Variants in UBE3C observed in about 807,000 individuals in gnomAD.
The protein encoded by UBE3C is ubiquitin-protein ligase E3C.
UBE3C carries 42 observed loss-of-function variants against 129.4 expected under a neutral mutation model. The observed-to-expected ratio is 0.32, with a 90% confidence interval of 0.25 to 0.42. The LOEUF (loss-of-function observed/expected upper bound fraction) is 0.42, where lower values mean the gene tolerates loss of function less well. Ranked by LOEUF, UBE3C falls within the 10% of genes least tolerant of loss-of-function variation. The probability of loss-of-function intolerance (pLI) is 1.00; values close to 1 mark genes in which losing one functional copy is unlikely to be tolerated. For missense variants in UBE3C, 1,049 were observed against 1,319.1 expected (o/e 0.80, Z 3.17); for synonymous variants, 510 against 492.4 (o/e 1.04, Z -0.47).
intron 18 of UBE3C, among the ~76,000 whole-genome samples, chr7:157,241,704 G>A (rs761314279): frequency 5.3e-5 from 8 of 152,182 alleles, no homozygotes; most frequent in African/African-American, 2.4e-5. Context: ...CCAAAAACTT[G>A]CACACAAATT....
chr7:157,266,096 C>T (rs1306565279), intron 22 of UBE3C, among the ~76,000 whole-genome samples: 1 of 152,176 alleles, frequency 6.6e-6, no homozygotes, highest in East Asian at 1.9e-4. Flanking sequence ...GGGTGGATCA[C>T]GAGGTCAGGA....
intron 10 of UBE3C, among the ~76,000 whole-genome samples, chr7:157,197,161 C>T (rs769231458): frequency 6.6e-6 from 1 of 152,178 alleles, no homozygotes; most frequent in African/African-American, 2.4e-5. Context: ...TCAAACTAGA[C>T]ACTTTTCAGT....
intron 22 of UBE3C, among the ~76,000 whole-genome samples, chr7:157,262,292 A>G (rs1324226331): frequency 2.0e-5 from 3 of 151,830 alleles, no homozygotes; most frequent in African/African-American, 7.2e-5. Context: ...AAAAAAAAAG[A>G]CAATGGATTT....
chr7:157,200,660 G>C (rs992669197), intron 10 of UBE3C, among the ~76,000 whole-genome samples: 1 of 152,032 alleles, frequency 6.6e-6, no homozygotes, highest in African/African-American at 2.4e-5. Flanking sequence ...TTTGAGATAG[G>C]ATCTCACTTT....
chr7:157,196,853 C>T (rs1467320868), intron 10 of UBE3C, among the ~76,000 whole-genome samples: 1 of 152,120 alleles, frequency 6.6e-6, no homozygotes, highest in African/African-American at 2.4e-5. Flanking sequence ...CCTGTAATCC[C>T]AGCTACTCGG....
intron 13 of UBE3C, 24 bp downstream of exon 13, chr7:157,207,959 G>C: frequency 8.8e-6 from 11 of 1,255,296 alleles, no homozygotes; most frequent in Non-Finnish European, 1.1e-5. Flanking sequence ...GTATTTTTTT[G>C]TTTACTGACA....
At chr7:157,152,069 G>C (rs964824131) in intron 1 of UBE3C, among the ~76,000 whole-genome samples, 1 of 152,184 alleles carries the variant, frequency 6.6e-6, no homozygotes, top group African/African-American at 2.4e-5. Flanking sequence ...ACTGTCACCA[G>C]TTAGAGGGAC....
intron 1 of UBE3C, among the ~76,000 whole-genome samples, chr7:157,156,688 A>G (rs1218440812): frequency 6.7e-6 from 1 of 148,406 alleles, no homozygotes; most frequent in African/African-American, 2.6e-5. Flanking sequence ...ACATAATCAT[A>G]TAGGTGTGTA....
intron 13 of UBE3C, among the ~76,000 whole-genome samples, chr7:157,216,124 A>G (rs1271584235): frequency 2.0e-5 from 3 of 152,234 alleles, no homozygotes; most frequent in Non-Finnish European, 4.4e-5. Context: ...AGTTAAGATC[A>G]CAGATCTGAC....
chr7:157,214,651 C>G (rs976251903), intron 13 of UBE3C, among the ~76,000 whole-genome samples: 1 of 152,198 alleles, frequency 6.6e-6, no homozygotes, highest in Non-Finnish European at 1.5e-5. Context: ...ACACGAACAT[C>G]TTCATACAAA....
At position 157,187,969 on chromosome 7, in the gene UBE3C, A is replaced by T. The variant is rs941449806; in HGVS notation, c.1331+948A>T. Reference sequence around the variant, plus strand: ...CCTTTGAAATAAACTTTTGGTTCAGACAAAACAAAACCTGCAAGTTAAAAA... The same window carrying T: ...CCTTTGAAATAAACTTTTGGTTCAGTCAAAACAAAACCTGCAAGTTAAAAA... On this transcript the variant is annotated intron_variant, in intron 10 of 22. Transcript: ENST00000348165. Among the ~76,000 whole-genome samples, 11 of 152,200 alleles carry T rather than the reference A, an allele frequency of 7.2e-5. No homozygotes were observed. The South Asian group carries it at 1.0e-3, about 14-fold the overall frequency.
chr7:157,177,846 A>C (rs1370481955), intron 5 of UBE3C, among the ~76,000 whole-genome samples: 1 of 151,968 alleles, frequency 6.6e-6, no homozygotes, highest in Non-Finnish European at 1.5e-5. Flanking sequence ...GGCTTTTGTC[A>C]CATAGAGAAG....
chr7:157,144,556 TAAA>T (rs1223577895), intron 1 of UBE3C, among the ~76,000 whole-genome samples: 1 of 151,988 alleles, frequency 6.6e-6, no homozygotes, highest in Non-Finnish European at 1.5e-5. Context: ...TTTTGAGACT[TAAA>T]GAAGCTAGGG....
At chr7:157,160,788 T>C (rs1808048396) in intron 1 of UBE3C, among the ~76,000 whole-genome samples, 1 of 152,240 alleles carries the variant, frequency 6.6e-6, no homozygotes, top group South Asian at 2.1e-4. Flanking sequence ...TTTTTCTGTT[T>C]TCTGCTTTTC....
chr7:157,143,058 G>A (rs1484161055), intron 1 of UBE3C, among the ~76,000 whole-genome samples: 1 of 151,918 alleles, frequency 6.6e-6, no homozygotes, highest in African/African-American at 2.4e-5. Context: ...GTAGAGATGG[G>A]GTTTCTCCAT....
chr7:157,181,235 AT>A (rs1808657522), intron 6 of UBE3C, among the ~76,000 whole-genome samples: 1 of 152,250 alleles, frequency 6.6e-6, no homozygotes, highest in Non-Finnish European at 1.5e-5. Context: ...GTTTTTAAAA[AT>A]AGTCTCTTAA....
chr7:157,218,171 C>T (rs934609712), intron 14 of UBE3C, among the ~76,000 whole-genome samples: 15 of 152,100 alleles, frequency 9.9e-5, no homozygotes, highest in Non-Finnish European at 1.5e-4. Context: ...GTCGGCTGGG[C>T]GCGGTGGCTC....
At chr7:157,262,962 A>C (rs923694525) in intron 22 of UBE3C, 1 of 152,092 alleles carries the variant, frequency 6.6e-6, no homozygotes, top group African/African-American at 2.4e-5. Flanking sequence ...CTATTTTTTA[A>C]ATTTTTTTGA....
chr7:157,228,141 C>T (rs186683875), intron 17 of UBE3C, among the ~76,000 whole-genome samples: 48 of 152,332 alleles, frequency 3.2e-4, no homozygotes, highest in African/African-American at 9.9e-4. Flanking sequence ...CTTTACGATG[C>T]TCGTTGTCTT....
Sources: allele counts gnomAD v4.1 joint callset (sites outside exome capture counted in the v4.1 genomes callset), GRCh38; gene constraint gnomAD v4.1.1; transcripts MANE v1.5; gene names NCBI Gene and HGNC (gene_info 2026-07-23, HGNC 2026-07-21).